KIR2DL1: variants seen among roughly 807,000 people sequenced by gnomAD.
KIR2DL1 encodes the protein killer cell immunoglobulin like receptor, two Ig domains and long cytoplasmic tail 1.
A neutral mutation model predicts 33.9 loss-of-function variants in KIR2DL1; 38 were observed. The ratio of observed to expected loss-of-function variants is 1.12; its 90% confidence interval spans 0.86 to 1.47. KIR2DL1 has a LOEUF of 1.47. Among genes scored for constraint, KIR2DL1 ranks in the 40% most tolerant of loss-of-function variants. The pLI is 0.00. For synonymous variants in KIR2DL1, 179 were observed against 165.9 expected (o/e 1.08, Z -0.61); for missense variants, 531 against 433.9 (o/e 1.22, Z -1.99).
chr19:54,776,425 T>C (rs2076348667), intron 4 of KIR2DL1, among the ~76,000 whole-genome samples: 2 of 145,926 alleles, frequency 1.4e-5, no homozygotes, highest in African/African-American at 5.0e-5. Context: ...TGTTATTCTT[T>C]CTATGGATGA....
At chr19:54,774,565 A>T (rs1490699191) in intron 3 of KIR2DL1, among the ~76,000 whole-genome samples, 4 of 148,494 alleles carry the variant, frequency 2.7e-5, no homozygotes, top group African/African-American at 9.8e-5. Context: ...GGTTATAGAT[A>T]CATAGATGAT....
At chr19:54,783,369 T>C in intron 6 of KIR2DL1, 117 bp from the exon 7 acceptor site, 3 of 1,119,766 alleles carry the variant, frequency 2.7e-6, no homozygotes, top group Non-Finnish European at 2.7e-6. Context: ...GAGTCTGCTG[T>C]TGGCAACTGA....
chr19:54,773,705 G>C (rs1232965248), intron 3 of KIR2DL1, 73 bp downstream of exon 3: 1 of 1,435,928 alleles, frequency 7.0e-7, no homozygotes, highest in East Asian at 2.4e-5. Context: ...GGAGACCCAG[G>C]TGGCTGTAAG....
At chr19:54,782,064 T>A (rs1278324844) in intron 5 of KIR2DL1, among the ~76,000 whole-genome samples, 1 of 151,978 alleles carries the variant, frequency 6.6e-6, no homozygotes, top group Non-Finnish European at 1.5e-5. Flanking sequence ...TATATTTCAA[T>A]GTGACCCAGT....
Position 54,773,515 on chromosome 19 carries a change from T to G in KIR2DL1, c.253T>G (p.Phe85Val). 4 of 1,584,564 alleles carry G rather than the reference T, an allele frequency of 2.5e-6. 1 individual carries two copies. Among genetic ancestry groups the G allele is most frequent in the Non-Finnish European group, 3.5e-6 (4 of 1,156,308 alleles). ...EHHDGVSKAN[F>V]SISRMTQDLA... ...CCATGATGGGGTCTCCAAGGCCAACTTCTCCATCAGTCGCATGACGCAAGA... is the reference window on the plus strand; with the variant it reads ...CCATGATGGGGTCTCCAAGGCCAACGTCTCCATCAGTCGCATGACGCAAGA... The change falls in exon 3 of 8, where the codon TTC becomes GTC. Residue 85 changes from phenylalanine (F) to valine (V), a missense_variant. Phe to Val is a conservative substitution (Grantham distance 50, BLOSUM62 -1). Coordinates refer to ENST00000336077, the MANE Select transcript of KIR2DL1 (RefSeq NM_014218.3).
In KIR2DL1 at chr19:54,773,326, T is replaced by C; in HGVS notation, c.71-7T>C. ...ACACCTTCTAAACTCACAACCTCTC[T>C]TCCTAGGAGTCCACAGAAAACCTTC... On this transcript the variant is annotated splice_polypyrimidine_tract_variant and splice_region_variant and intron_variant, in intron 2 of 7. Coordinates refer to ENST00000336077, the MANE Select transcript of KIR2DL1 (RefSeq NM_014218.3). The C allele has an allele frequency of 6.3e-7, 1 of 1,595,736 alleles. No homozygotes were observed. Among genetic ancestry groups the C allele is most frequent in the East Asian group, 2.2e-5 (1 of 44,554 alleles).
chr19:54,769,838 C>G lies in KIR2DL1; in HGVS notation c.-13C>G. ...GAGCTCGGTCGCGGCTGCCTGTCTG[C>G]TCCGGCAGCACCATGTCGCTCTTGG... On this transcript the variant is annotated 5_prime_UTR_variant, in exon 1 of 8. Transcript: ENST00000336077. The G allele has an allele frequency of 6.4e-7, 1 of 1,569,412 alleles. No individual in the cohort carries two copies. Among genetic ancestry groups the G allele is most frequent in the Non-Finnish European group, 8.7e-7 (1 of 1,147,088 alleles).
At position 54,783,829 on chromosome 19, in the gene KIR2DL1, CT is replaced by C. The variant is rs2077363763; in HGVS notation, c.*18del. The C allele has an allele frequency of 2.5e-6, 4 of 1,613,804 alleles. No homozygotes were observed. In the South Asian group the frequency reaches 4.4e-5, roughly 18 times the overall value. ...CTGCCCATGAGCACCACAGTCAGGC[CT>C]TGAGGGCGTCTTCTAGGGAGACAAC... On this transcript the variant is annotated 3_prime_UTR_variant, in exon 8 of 8. Transcript: ENST00000336077.
intron 4 of KIR2DL1, among the ~76,000 whole-genome samples, chr19:54,777,927 T>A (rs1487155196): frequency 6.7e-6 from 1 of 148,440 alleles, no homozygotes; most frequent in African/African-American, 2.5e-5. Context: ...TTGAAAAGAC[T>A]GTCCTTTCCT....
chr19:54,772,645 G>A (rs1267367721), intron 2 of KIR2DL1, among the ~76,000 whole-genome samples: 1 of 145,300 alleles, frequency 6.9e-6, no homozygotes, highest in African/African-American at 2.5e-5. Context: ...GACAGAGGTT[G>A]CAGTGAGCCT....
At chr19:54,774,932 T>C (rs2076148346) in intron 3 of KIR2DL1, among the ~76,000 whole-genome samples, 1 of 146,904 alleles carries the variant, frequency 6.8e-6, no homozygotes, top group Non-Finnish European at 1.5e-5. Context: ...TCAGAGAGAA[T>C]AAAACAATCC....
intron 4 of KIR2DL1, among the ~76,000 whole-genome samples, chr19:54,777,214 C>A (rs1355204688): frequency 2.0e-5 from 3 of 149,724 alleles, no homozygotes; most frequent in Non-Finnish European, 4.5e-5. Flanking sequence ...CCTCAGCCTC[C>A]CGAGTAGCTG....
In KIR2DL1 at chr19:54,770,881, G is replaced by A; in HGVS notation, c.67G>A (p.Glu23Lys). The A allele has an allele frequency of 1.3e-6, 2 of 1,584,244 alleles. No individual in the cohort carries two copies. Residue 23 changes from glutamate (E) to lysine (K), a missense_variant, in exon 2 of 8, where the codon GAG (glutamate) becomes AAG (lysine). Physicochemically the swap from Glu to Lys is moderately conservative, Grantham distance 56. Transcript: ENST00000336077. ...CTTGCTGCAGGGGGCCTGGCCACAT[G>A]AGGGTGAGTCCTTCTCCCAACCTTC... ...FFLLQGAWPH[E>K]GVHRKPSLLA...
intron 4 of KIR2DL1, among the ~76,000 whole-genome samples, chr19:54,776,242 T>C (rs187117459): frequency 0.096 from 12,477 of 129,946 alleles, 97 homozygotes; most frequent in African/African-American, 0.16. Flanking sequence ...CATTTTTATA[T>C]ATATATATAT....
Position 54,784,147 on chromosome 19 carries a change from A to C in KIR2DL1, c.*334A>C. 2.0e-6 allele frequency: 1 copy of C among 501,660 alleles called. No individual in the cohort carries two copies. The allele number at this position is 501,660 out of a possible 1,614,324, so 31.1% of individuals were successfully genotyped here. ...CACTGAGGAACTCACAATTCCAAAC[A>C]TACAAGAGGCTCCCTCTTAACGCAG... is the stretch of plus-strand genomic sequence containing the variant. On this transcript the variant is annotated 3_prime_UTR_variant, in exon 8 of 8. Transcript: ENST00000336077.
chr19:54,774,230 T>C (rs1378538018), intron 3 of KIR2DL1, among the ~76,000 whole-genome samples: 3 of 148,166 alleles, frequency 2.0e-5, no homozygotes, highest in Non-Finnish European at 4.5e-5. Context: ...AGAGGATCAG[T>C]GAGAGGCACA....
chr19:54,774,329 AAGAG>A (rs369804563), intron 3 of KIR2DL1, among the ~76,000 whole-genome samples: 25,867 of 134,766 alleles, frequency 0.19, 250 homozygotes, highest in South Asian at 0.3. Flanking sequence ...CAGACACATA[AAGAG>A]AGAGAAAAGA....
At chr19:54,774,875 A>T (rs976865086) in intron 3 of KIR2DL1, among the ~76,000 whole-genome samples, 2 of 148,570 alleles carry the variant, frequency 1.3e-5, no homozygotes, top group African/African-American at 4.9e-5. Flanking sequence ...AAAGTGAGAA[A>T]CTCAGAATTA....
Position 54,783,455 on chromosome 19 carries a change from G to A in KIR2DL1, c.818-31G>A, listed in dbSNP as rs373973045. On this transcript the variant is annotated intron_variant, in intron 6 of 7. Coordinates refer to ENST00000336077, the MANE Select transcript of KIR2DL1 (RefSeq NM_014218.3). ...AAATGAGGACCCAGAAGTGCCCTCC[G>A]AGCTGTTTTGTTGACTTCCATCTTC... The A allele has an allele frequency of 2.0e-4, 320 of 1,610,034 alleles. 2 individuals carry two copies. In the South Asian group the frequency reaches 2.3e-3, roughly 12 times the overall value.
Sources: allele counts gnomAD v4.1 joint callset (sites outside exome capture counted in the v4.1 genomes callset), GRCh38; gene constraint gnomAD v4.1.1; transcripts MANE v1.5; gene names NCBI Gene and HGNC (gene_info 2026-07-23, HGNC 2026-07-21).